Variants in ADAMTSL1 observed in about 807,000 individuals in gnomAD.
ADAMTSL1 encodes the protein ADAMTS-like protein 1.
ADAMTSL1 carries 126 observed loss-of-function variants against 201.8 expected under a neutral mutation model. The ratio of observed to expected loss-of-function variants is 0.62; its 90% CI spans 0.54 to 0.72. The LOEUF (loss-of-function observed/expected upper bound fraction) is 0.72. ADAMTSL1 is among the 30% of genes least tolerant of loss of function. The pLI is 0.00. For missense variants in ADAMTSL1, 2,679 were observed against 2,277.8 expected (o/e 1.18, Z -3.59); for synonymous variants, 1,121 against 903.4 (o/e 1.24, Z -4.32).
chr9:18,834,594 T>C (rs897335468), intron 23 of ADAMTSL1, among the ~76,000 whole-genome samples: 1 of 152,146 alleles, frequency 6.6e-6, no homozygotes, highest in Non-Finnish European at 1.5e-5. Flanking sequence ...CCCCCAAAGT[T>C]ACCTCATATC....
At chr9:18,820,116 C>A (rs916596863) in intron 21 of ADAMTSL1, among the ~76,000 whole-genome samples, 1 of 152,160 alleles carries the variant, frequency 6.6e-6, no homozygotes, top group African/African-American at 2.4e-5. Context: ...AACCCAGATT[C>A]TCGTAATAGA....
intron 2 of ADAMTSL1, among the ~76,000 whole-genome samples, chr9:18,399,885 C>T (rs570212772): frequency 1.3e-5 from 2 of 152,158 alleles, no homozygotes; most frequent in South Asian, 4.2e-4. Context: ...AATCAACTCC[C>T]TTATTATAGG....
intron 23 of ADAMTSL1, among the ~76,000 whole-genome samples, chr9:18,886,166 G>A (rs934476): frequency 0.3 from 11,198 of 36,890 alleles, 1,330 homozygotes; most frequent in East Asian, 0.44. Flanking sequence ...GTGTGTATGT[G>A]TATATATATA....
intron 1 of ADAMTSL1, among the ~76,000 whole-genome samples, chr9:18,109,313 G>A (rs1587070580): frequency 6.6e-6 from 1 of 152,116 alleles, no homozygotes; most frequent in Non-Finnish European, 1.5e-5. Flanking sequence ...CCCTCGGAAG[G>A]ACCCAGGTGT....
chr9:18,764,695 G>A (rs1314934845), intron 16 of ADAMTSL1, among the ~76,000 whole-genome samples: 1 of 152,250 alleles, frequency 6.6e-6, no homozygotes, highest in African/African-American at 2.4e-5. Flanking sequence ...GCACATGACA[G>A]TATGTCAAGG....
chr9:18,394,539 G>A (rs1817673370), intron 2 of ADAMTSL1, among the ~76,000 whole-genome samples: 1 of 152,174 alleles, frequency 6.6e-6, no homozygotes, highest in Non-Finnish European at 1.5e-5. Context: ...AGAGAAAGAA[G>A]CTTGTTATAA....
chr9:18,296,935 C>G (rs187076628), intron 2 of ADAMTSL1, among the ~76,000 whole-genome samples: 351 of 152,292 alleles, frequency 2.3e-3, no homozygotes, highest in Non-Finnish European at 4.0e-3. Flanking sequence ...CTGGCAAATG[C>G]TGAAGTTGAG....
At chr9:18,875,407 T>A (rs113200176) in intron 23 of ADAMTSL1, among the ~76,000 whole-genome samples, 12 of 152,212 alleles carry the variant, frequency 7.9e-5, no homozygotes, top group African/African-American at 2.4e-4. Flanking sequence ...AACTTTCCTC[T>A]TAGCACCACC....
chr9:18,823,029 T>C (rs994581431), intron 21 of ADAMTSL1, among the ~76,000 whole-genome samples: 36 of 152,224 alleles, frequency 2.4e-4, no homozygotes, highest in African/African-American at 8.0e-4. Flanking sequence ...ACATGCGTAA[T>C]GTCAGAGCCA....
chr9:18,157,160 T>C (rs1827192272), intron 1 of ADAMTSL1, among the ~76,000 whole-genome samples: 1 of 152,040 alleles, frequency 6.6e-6, no homozygotes, highest in Non-Finnish European at 1.5e-5. Flanking sequence ...AGAAATGCCA[T>C]AGCTTGTTTA....
chr9:18,091,402 C>T (rs539182907), intron 1 of ADAMTSL1, among the ~76,000 whole-genome samples: 1 of 152,186 alleles, frequency 6.6e-6, no homozygotes, highest in Non-Finnish European at 1.5e-5. Flanking sequence ...AATTAATAAA[C>T]CTATATAGAG....
At chr9:18,550,511 A>G (rs1028655332) in intron 3 of ADAMTSL1, among the ~76,000 whole-genome samples, 1 of 151,950 alleles carries the variant, frequency 6.6e-6, no homozygotes, top group African/African-American at 2.4e-5. Flanking sequence ...CCCCCAACTG[A>G]TGCCTAACAA....
At chr9:18,801,925 A>C (rs555429387) in intron 20 of ADAMTSL1, among the ~76,000 whole-genome samples, 1 of 152,272 alleles carries the variant, frequency 6.6e-6, no homozygotes, top group East Asian at 1.9e-4. Context: ...ATCAAGGCAT[A>C]ATTAACATAC....
chr9:18,363,303 G>T (rs1317678713), intron 2 of ADAMTSL1, among the ~76,000 whole-genome samples: 1 of 152,196 alleles, frequency 6.6e-6, no homozygotes, highest in East Asian at 1.9e-4. Flanking sequence ...ATTCTTCTGA[G>T]GTCTCTCCTA....
At chr9:18,900,467 T>G (rs1377423708) in intron 26 of ADAMTSL1, among the ~76,000 whole-genome samples, 1 of 152,064 alleles carries the variant, frequency 6.6e-6, no homozygotes, top group African/African-American at 2.4e-5. Context: ...ATTACAAAGA[T>G]ACATGCATAT....
At position 18,573,905 on chromosome 9, in the gene ADAMTSL1, C is replaced by T. The variant is rs146968698; in HGVS notation, c.238-125C>T. 782 of 698,870 alleles carry T rather than the reference C, an allele frequency of 1.1e-3. 4 individuals carry two copies. The African/African-American group carries it at 0.012, about 11-fold the overall frequency. The allele number at this position is 698,870 out of a possible 1,614,324, so 43.3% of individuals were successfully genotyped here. A position where few individuals can be genotyped will look rare whatever the true frequency, so the allele number is the denominator to read the frequency against. On this transcript the variant is annotated intron_variant, in intron 3 of 28. Coordinates refer to ENST00000380548, the MANE Select transcript of ADAMTSL1 (RefSeq NM_001040272.6). ...ACCTCTAAGATGATATTATAAGTTC[C>T]ATCTATCATGACCAGGACATTTGTT...
intron 15 of ADAMTSL1, among the ~76,000 whole-genome samples, chr9:18,727,574 G>C (rs763555192): frequency 2.0e-5 from 3 of 152,208 alleles, no homozygotes; most frequent in Non-Finnish European, 4.4e-5. Flanking sequence ...TGTTTCTCTA[G>C]TGGGACTGTA....
intron 3 of ADAMTSL1, among the ~76,000 whole-genome samples, chr9:18,551,411 A>T (rs1490360494): frequency 6.6e-6 from 1 of 151,844 alleles, no homozygotes; most frequent in Admixed American, 6.6e-5. Flanking sequence ...AAATTGGGAC[A>T]TGTTTCTTCT....
intron 1 of ADAMTSL1, among the ~76,000 whole-genome samples, chr9:18,155,575 A>G (rs945811908): frequency 1.3e-5 from 2 of 152,056 alleles, no homozygotes; most frequent in African/African-American, 4.8e-5. Context: ...TTTTTATATC[A>G]TCAGTTATCA....
Sources: allele counts gnomAD v4.1 joint callset (sites outside exome capture counted in the v4.1 genomes callset), GRCh38; gene constraint gnomAD v4.1.1; transcripts MANE v1.5; gene names NCBI Gene and HGNC (gene_info 2026-07-23, HGNC 2026-07-21).